ALG9: variants seen among roughly 807,000 people sequenced by gnomAD.
The protein encoded by ALG9 is ALG9 alpha-1,2-mannosyltransferase.
A neutral mutation model predicts 81.8 loss-of-function variants in ALG9; 55 were observed. The ratio of observed to expected loss-of-function variants is 0.67; its 90% CI spans 0.54 to 0.84. ALG9 has a LOEUF of 0.84. Among genes scored for constraint, ALG9 ranks in the 40% least tolerant of loss-of-function variants. ALG9 has a pLI of 0.00. For synonymous variants in ALG9, 278 were observed against 274.3 expected, an observed-to-expected ratio of 1.01 and a Z score of -0.13; for missense variants, 629 against 745.0, an observed-to-expected ratio of 0.84 and a Z score of 1.81.
chr11:111,778,901 G>A (rs980456777), downstream of ALG9, among the ~76,000 whole-genome samples: 5 of 150,248 alleles, frequency 3.3e-5, no homozygotes, highest in Non-Finnish European at 5.9e-5. Context: ...CGCAACCTCC[G>A]CCTCCCAGAT....
At chr11:111,829,133 C>T (rs117623503) in intron 13 of ALG9, 1 of 152,260 alleles carries the variant, frequency 6.6e-6, no homozygotes, top group East Asian at 1.9e-4. Flanking sequence ...ATCATAACCA[C>T]ATCATCTACA....
rs370805975 is a variant in ALG9, at chr11:111,850,725, T to A, written c.895+2655A>T. 4.5e-3 allele frequency among the ~76,000 whole-genome samples: 225 copies of A among 49,498 alleles called. 2 individuals carry two copies. Among genetic ancestry groups the A allele is most frequent in the African/African-American group, 0.011 (99 of 9,382 alleles). 32.5% of individuals were successfully genotyped at this position (49,498 alleles called of 152,430 possible). A position where few individuals can be genotyped will look rare whatever the true frequency, so the allele number is the denominator to read the frequency against. ...CTGTCTCAAAAAAAAAAAAAAAAAA[T>A]CAGACAAAAATTTTTTTCTTTTACC... is the stretch of plus-strand genomic sequence containing the variant. On this transcript the variant is annotated intron_variant, in intron 8 of 14. Transcript: ENST00000616540.
At chr11:111,794,889 C>T (rs1197814221) in intron 14 of ALG9, among the ~76,000 whole-genome samples, 1 of 152,170 alleles carries the variant, frequency 6.6e-6, no homozygotes, top group African/African-American at 2.4e-5. Flanking sequence ...CTCAGAATTC[C>T]TTCAAGACTT....
intron 13 of ALG9, among the ~76,000 whole-genome samples, chr11:111,824,504 A>C (rs1555106625): frequency 6.6e-6 from 1 of 152,236 alleles, no homozygotes; most frequent in Non-Finnish European, 1.5e-5. Context: ...ATGATGGACA[A>C]TATCAGATGT....
intron 14 of ALG9, among the ~76,000 whole-genome samples, chr11:111,801,017 C>G (rs1196689111): frequency 6.6e-6 from 1 of 152,174 alleles, no homozygotes; most frequent in Non-Finnish European, 1.5e-5. Flanking sequence ...AAACCTTTTT[C>G]TTTTCTCAGA....
chr11:111,854,242 A>T (rs1958307570), intron 6 of ALG9, among the ~76,000 whole-genome samples: 1 of 145,714 alleles, frequency 6.9e-6, no homozygotes, highest in Non-Finnish European at 1.5e-5. Context: ...GACTACAGGC[A>T]CAGGCCATCA....
intron 4 of ALG9, among the ~76,000 whole-genome samples, chr11:111,863,381 A>G (rs1387456846): frequency 6.6e-6 from 1 of 152,142 alleles, no homozygotes; most frequent in African/African-American, 2.4e-5. Flanking sequence ...ATATTAAAGT[A>G]AATTCTCAGC....
chr11:111,793,054 G>C (rs1947666805), intron 14 of ALG9, among the ~76,000 whole-genome samples: 1 of 152,172 alleles, frequency 6.6e-6, no homozygotes, highest in Non-Finnish European at 1.5e-5. Flanking sequence ...TGTGATCCCA[G>C]CTCACTGCAG....
intron 14 of ALG9, among the ~76,000 whole-genome samples, chr11:111,801,858 T>C (rs1555080642): frequency 6.6e-6 from 1 of 152,200 alleles, no homozygotes; most frequent in South Asian, 2.1e-4. Flanking sequence ...TGGGGAACTT[T>C]CCAGGCCCAG....
chr11:111,827,022 T>C (rs1406330207), intron 13 of ALG9, among the ~76,000 whole-genome samples: 3 of 152,210 alleles, frequency 2.0e-5, no homozygotes, highest in Non-Finnish European at 4.4e-5. Flanking sequence ...TGTTCTCTTT[T>C]AAAAGCACAA....
At chr11:111,840,302 C>A (rs1418664940) in intron 10 of ALG9, among the ~76,000 whole-genome samples, 2 of 152,158 alleles carry the variant, frequency 1.3e-5, no homozygotes, top group African/African-American at 4.8e-5. Context: ...ATACTGTGAA[C>A]TGCCTGCTGT....
chr11:111,853,245 C>A lies in ALG9; in HGVS notation c.895+135G>T, dbSNP rs782664333. On this transcript the variant is annotated intron_variant, in intron 8 of 14. Transcript: ENST00000616540. ...TCATCATTGTGCTATACTCAGATGT[C>A]ATTTTTAAATAGGAAAAGATAATAT... The A allele has an allele frequency of 4.4e-4, 318 of 728,894 alleles. 2 individuals are homozygous for A. The highest frequency in any genetic ancestry group is 7.0e-4 in the Middle Eastern group (2 of 2,866). The allele number at this position is 728,894 out of a possible 1,614,324, so 45.2% of individuals were successfully genotyped here.
At chr11:111,802,197 C>T (rs1949229634) in intron 14 of ALG9, among the ~76,000 whole-genome samples, 2 of 152,232 alleles carry the variant, frequency 1.3e-5, no homozygotes. Context: ...CTTGTTCCTT[C>T]AGGCTGTGTT....
At chr11:111,833,570 G>GC (rs1264823728) in intron 13 of ALG9, among the ~76,000 whole-genome samples, 3 of 152,104 alleles carry the variant, frequency 2.0e-5, no homozygotes, top group African/African-American at 7.2e-5. Flanking sequence ...AACGGGACAG[G>GC]CTGGAGCACT....
In ALG9 at chr11:111,786,083, C is replaced by T. The variant is rs781928817; in HGVS notation, c.*314G>A. The T allele has an allele frequency of 5.6e-4, 260 of 466,960 alleles. 1 individual carries two copies. The highest frequency in any genetic ancestry group is 1.5e-3 in the Admixed American group (64 of 42,844). The allele number at this position is 466,960 out of a possible 1,614,324, so 28.9% of individuals were successfully genotyped here. A position where few individuals can be genotyped will look rare whatever the true frequency, so the allele number is the denominator to read the frequency against. On this transcript the variant is annotated 3_prime_UTR_variant, in exon 15 of 15. Coordinates refer to ENST00000616540, the MANE Select transcript of ALG9 (RefSeq NM_024740.2). ...CAATTCTTCCTGTAAGTTGGTTCTG[C>T]TCTTCTCCGGTCTAGTAAATAATTG...
At chr11:111,854,263 ATTTTT>A (rs34277511) in intron 6 of ALG9, among the ~76,000 whole-genome samples, 1 of 83,216 alleles carries the variant, frequency 1.2e-5, no homozygotes. Context: ...GCCCTGGCTA[ATTTTT>A]TTTTTTTTTT....
intron 6 of ALG9, among the ~76,000 whole-genome samples, chr11:111,854,652 T>A (rs781873445): frequency 6.6e-6 from 1 of 152,262 alleles, no homozygotes; most frequent in Non-Finnish European, 1.5e-5. Context: ...TCTTCTGTGA[T>A]TTGAACCTCC....
intron 6 of ALG9, among the ~76,000 whole-genome samples, chr11:111,854,166 C>T (rs1318736308): frequency 4.1e-5 from 6 of 146,478 alleles, no homozygotes; most frequent in Admixed American, 7.0e-5. Flanking sequence ...GGCGCAATCT[C>T]GGCTCACTAC....
At chr11:111,821,905 A>G (rs1952461167) in intron 13 of ALG9, among the ~76,000 whole-genome samples, 1 of 152,060 alleles carries the variant, frequency 6.6e-6, no homozygotes, top group Non-Finnish European at 1.5e-5. Flanking sequence ...AAGTGCTGGG[A>G]TTACAGGTGT....
Sources: allele counts gnomAD v4.1 joint callset (sites outside exome capture counted in the v4.1 genomes callset), GRCh38; gene constraint gnomAD v4.1.1; transcripts MANE v1.5; gene names NCBI Gene and HGNC (gene_info 2026-07-23, HGNC 2026-07-21).